CMKLR1: variants seen among roughly 807,000 people sequenced by gnomAD.
CMKLR1 encodes the protein chemerin chemokine-like receptor 1, also known as chemerin-like receptor 1.
In CMKLR1, 6 loss-of-function variants were observed where a neutral mutation model predicts 8.2. The ratio of observed to expected loss-of-function variants is 0.73; its 90% CI spans 0.40 to 1.44. CMKLR1 has a LOEUF of 1.44. Ranked by LOEUF, CMKLR1 falls within the 40% of genes most tolerant of loss-of-function variation. The pLI, the probability that CMKLR1 is intolerant of heterozygous loss-of-function variation, is 0.02. For missense variants in CMKLR1, 429 were observed against 478.0 expected, an observed-to-expected ratio of 0.90 and a Z score of 0.96; for synonymous variants, 178 against 181.2, an observed-to-expected ratio of 0.98 and a Z score of 0.14.
chr12:108,324,801 T>C (rs536904226), intron 2 of CMKLR1, among the ~76,000 whole-genome samples: 15 of 152,162 alleles, frequency 9.9e-5, no homozygotes, highest in Non-Finnish European at 2.1e-4. Flanking sequence ...CACTTGTTCA[T>C]TTCCTTGCAA....
intron 2 of CMKLR1, among the ~76,000 whole-genome samples, chr12:108,299,932 T>C (rs1437005530): frequency 6.6e-6 from 1 of 152,212 alleles, no homozygotes; most frequent in African/African-American, 2.4e-5. Context: ...ACACTCCCCA[T>C]TCTGGCTCCT....
chr12:108,302,124 G>A (rs1451093660), intron 2 of CMKLR1, among the ~76,000 whole-genome samples: 3 of 152,196 alleles, frequency 2.0e-5, no homozygotes, highest in African/African-American at 7.2e-5. Context: ...TGACAGGAGG[G>A]AAACCCCCAA....
At chr12:108,322,854 G>C (rs1028416236) in intron 2 of CMKLR1, among the ~76,000 whole-genome samples, 2 of 152,084 alleles carry the variant, frequency 1.3e-5, no homozygotes, top group African/African-American at 4.8e-5. Flanking sequence ...TTCTTTTATA[G>C]CAACACAAAA....
At chr12:108,326,290 C>T (rs7133212) in intron 2 of CMKLR1, among the ~76,000 whole-genome samples, 57,462 of 152,008 alleles carry the variant, frequency 0.38, 11,289 homozygotes, top group Admixed American at 0.48. Context: ...AACCAAAAGC[C>T]TCCCCTTCCC....
chr12:108,298,602 C>T (rs1020000516), intron 2 of CMKLR1, among the ~76,000 whole-genome samples: 1 of 152,224 alleles, frequency 6.6e-6, no homozygotes, highest in Non-Finnish European at 1.5e-5. Flanking sequence ...AATTTACCCT[C>T]CCAGTTTTCA....
chr12:108,316,788 A>G (rs930828266), intron 2 of CMKLR1, among the ~76,000 whole-genome samples: 1 of 152,172 alleles, frequency 6.6e-6, no homozygotes, highest in Admixed American at 6.5e-5. Context: ...TCAACCCCAT[A>G]GCAGAAATGG....
chr12:108,296,162 G>C (rs184350230), intron 2 of CMKLR1, among the ~76,000 whole-genome samples: 8 of 152,296 alleles, frequency 5.3e-5, no homozygotes, highest in Non-Finnish European at 1.5e-5. Context: ...CCAAGCGGAA[G>C]AGCAGACTCT....
intron 2 of CMKLR1, among the ~76,000 whole-genome samples, chr12:108,294,712 C>G (rs890449447): frequency 2.0e-5 from 3 of 152,128 alleles, no homozygotes; most frequent in African/African-American, 7.2e-5. Context: ...GGATTTAAAA[C>G]CAAGGCTCTG....
At chr12:108,335,667 T>C (rs1437076034) in intron 1 of CMKLR1, among the ~76,000 whole-genome samples, 2 of 152,246 alleles carry the variant, frequency 1.3e-5, no homozygotes, top group Admixed American at 6.5e-5. Flanking sequence ...AACAAATGTC[T>C]AGAACTTTGG....
intron 2 of CMKLR1, among the ~76,000 whole-genome samples, chr12:108,314,362 AGG>A (rs1298029155): frequency 1.3e-5 from 2 of 152,146 alleles, no homozygotes; most frequent in African/African-American, 2.4e-5. Context: ...AAACCCACTC[AGG>A]GGAATAGTAA....
Position 108,288,277 on chromosome 12 carries a change from G to A in CMKLR1, c.*3564C>T, listed in dbSNP as rs74832344. On this transcript the variant is annotated 3_prime_UTR_variant, in exon 4 of 4. Coordinates refer to ENST00000550402, the MANE Select transcript of CMKLR1 (RefSeq NM_001142343.2). ...AACGAGAGAGGGAGGCAGGGCAGGA[G>A]TTGAGGAATCACCGACCACTTTCAT... 0.045 allele frequency: 6,888 copies of A among 152,302 alleles called. 210 individuals are homozygous for A. Among genetic ancestry groups the A allele is most frequent in the South Asian group, 0.094 (451 of 4,808 alleles). 9.4% of individuals were successfully genotyped at this position (152,302 alleles called of 1,614,324 possible). A position where few individuals can be genotyped will look rare whatever the true frequency, so the allele number is the denominator to read the frequency against.
chr12:108,311,458 A>T (rs1195188515), intron 2 of CMKLR1, among the ~76,000 whole-genome samples: 1 of 152,098 alleles, frequency 6.6e-6, no homozygotes, highest in Non-Finnish European at 1.5e-5. Context: ...CTAGGGGAAA[A>T]AATTTTAATT....
At chr12:108,309,881 C>T (rs1181447126) in intron 2 of CMKLR1, among the ~76,000 whole-genome samples, 17 of 152,228 alleles carry the variant, frequency 1.1e-4, no homozygotes, top group Non-Finnish European at 2.4e-4. Context: ...AAGTCATTCT[C>T]ATTTTCAGCT....
chr12:108,327,248 C>T (rs1327122218), intron 2 of CMKLR1, among the ~76,000 whole-genome samples: 1 of 152,216 alleles, frequency 6.6e-6, no homozygotes, highest in Non-Finnish European at 1.5e-5. Context: ...GAGGCCAAGG[C>T]AGGAGGATCA....
intron 2 of CMKLR1, among the ~76,000 whole-genome samples, chr12:108,304,812 C>G (rs1891365929): frequency 6.6e-6 from 1 of 152,240 alleles, no homozygotes; most frequent in African/African-American, 2.4e-5. Context: ...CTTCCAGCAG[C>G]CACTCTGTCA....
intron 1 of CMKLR1, among the ~76,000 whole-genome samples, chr12:108,330,833 G>A (rs1425193056): frequency 1.3e-5 from 2 of 152,180 alleles, no homozygotes; most frequent in Non-Finnish European, 2.9e-5. Context: ...ACAGCTGAAT[G>A]GGGGCTGCAG....
rs759403635 is a variant in CMKLR1, at chr12:108,292,428, C to T, written c.535G>A (p.Asp179Asn). 4 of 1,614,020 alleles carry T rather than the reference C, an allele frequency of 2.5e-6. No homozygotes were observed. In the East Asian group the frequency reaches 6.7e-5, roughly 27 times the overall value. The change falls in exon 4 of 4, where the codon GAC (aspartate) becomes AAC (asparagine). Residue 179 changes from aspartate to asparagine, a missense_variant. Transcript: ENST00000550402. ...ATTTTCCCATGCAGGTTGGCTGTGT[C>T]CCGGAAGACGAGAGATGGGGAACTC... ...FLSSPSLVFR[D>N]TANLHGKISC...
intron 1 of CMKLR1, among the ~76,000 whole-genome samples, chr12:108,338,301 A>G (rs1266888551): frequency 6.6e-6 from 1 of 152,228 alleles, no homozygotes; most frequent in Non-Finnish European, 1.5e-5. Flanking sequence ...AGAGGAGAAA[A>G]AAATGGGAAC....
At chr12:108,310,071 C>T (rs1891510786) in intron 2 of CMKLR1, among the ~76,000 whole-genome samples, 1 of 151,932 alleles carries the variant, frequency 6.6e-6, no homozygotes, top group South Asian at 2.1e-4. Flanking sequence ...TGAGCTGAGC[C>T]TTGGAGGGTA....
Sources: gnomAD v4.1 joint callset for allele counts (sites outside exome capture counted in the v4.1 genomes callset) on GRCh38, gnomAD v4.1.1 for gene constraint, MANE v1.5 for transcripts, NCBI Gene and HGNC (gene_info 2026-07-23, HGNC 2026-07-21) for gene names.